PDZRN3: variants seen among roughly 807,000 people sequenced by gnomAD.
The protein encoded by PDZRN3 is PDZ domain containing ring finger 3, also known as E3 ubiquitin-protein ligase PDZRN3.
PDZRN3 carries 38 observed loss-of-function variants against 85.7 expected under a neutral mutation model. That is an observed-to-expected ratio of 0.44 (90% CI 0.34 to 0.58). The LOEUF is 0.58. Ranked by LOEUF, PDZRN3 falls within the 20% of genes least tolerant of loss-of-function variation. The probability of loss-of-function intolerance (pLI) is 0.01; values close to 1 mark genes in which losing one functional copy is unlikely to be tolerated. For missense variants in PDZRN3, 1,629 were observed against 1,506.4 expected (o/e 1.08, Z -1.35); for synonymous variants, 759 against 638.0 (o/e 1.19, Z -2.86).
intron 3 of PDZRN3, among the ~76,000 whole-genome samples, chr3:73,444,450 A>G (rs1246540117): frequency 2.6e-5 from 4 of 152,236 alleles, no homozygotes; most frequent in African/African-American, 7.2e-5. Context: ...TTCTAAGAGG[A>G]AAGCAACAAG....
chr3:73,422,470 G>A (rs1327059226), intron 3 of PDZRN3, among the ~76,000 whole-genome samples: 3 of 152,162 alleles, frequency 2.0e-5, no homozygotes, highest in Non-Finnish European at 4.4e-5. Context: ...ACACTCAAAA[G>A]CTATTTATCT....
At chr3:73,591,783 T>C (rs1051345794) in intron 3 of PDZRN3, among the ~76,000 whole-genome samples, 12 of 152,208 alleles carry the variant, frequency 7.9e-5, no homozygotes, top group Admixed American at 5.9e-4. Flanking sequence ...TCGCAAATGA[T>C]AGAACTAGAA....
intron 1 of PDZRN3, among the ~76,000 whole-genome samples, chr3:73,616,468 G>A (rs1702765105): frequency 6.6e-6 from 1 of 152,146 alleles, no homozygotes; most frequent in South Asian, 2.1e-4. Context: ...TTATTCATAA[G>A]CTTTAGCCCT....
intron 3 of PDZRN3, among the ~76,000 whole-genome samples, chr3:73,445,588 A>G (rs532977258): frequency 4.0e-4 from 61 of 152,364 alleles, no homozygotes; most frequent in Non-Finnish European, 6.9e-4. Flanking sequence ...ACAGTACTTC[A>G]GAGAATAAGT....
At chr3:73,409,742 C>G (rs1701928218) in intron 3 of PDZRN3, among the ~76,000 whole-genome samples, 1 of 152,126 alleles carries the variant, frequency 6.6e-6, no homozygotes, top group African/African-American at 2.4e-5. Context: ...TACAGTAGCA[C>G]CTTTCAAAAC....
chr3:73,617,026 G>A (rs556956808), intron 1 of PDZRN3, among the ~76,000 whole-genome samples: 2 of 152,118 alleles, frequency 1.3e-5, no homozygotes, highest in Admixed American at 6.6e-5. Flanking sequence ...CTTCACCCAC[G>A]ATCTGATGGG....
In PDZRN3 at chr3:73,384,112, G is replaced by T; in HGVS notation, c.2454C>A (p.Gly818=). The T allele has an allele frequency of 6.2e-7, 1 of 1,613,980 alleles. No individual in the cohort carries two copies. Among genetic ancestry groups the T allele is most frequent in the African/African-American group, 1.3e-5 (1 of 75,056 alleles). ...TCAGGGACGGGCTATAGGTAGGGGTGCCCACTTCGGGATCTTCCGTGATGG... is the reference window on the plus strand; with the variant it reads ...TCAGGGACGGGCTATAGGTAGGGGTTCCCACTTCGGGATCTTCCGTGATGG... ...LLSITEDPEV[G]TPTYSPSLKE... The change falls in exon 10 of 10, where the codon GGC becomes GGA. Residue 818 remains glycine, a synonymous_variant. Transcript: ENST00000263666.
chr3:73,440,403 A>G (rs9812432), intron 3 of PDZRN3, among the ~76,000 whole-genome samples: 19,750 of 152,128 alleles, frequency 0.13, 4,022 homozygotes, highest in African/African-American at 0.44. Flanking sequence ...ACAGGAACTG[A>G]GAATGGGGAG....
chr3:73,415,029 T>C (rs1441371507), intron 3 of PDZRN3, among the ~76,000 whole-genome samples: 3 of 152,186 alleles, frequency 2.0e-5, no homozygotes, highest in South Asian at 2.1e-4. Context: ...TGTTTATTGG[T>C]CAAATAATGA....
chr3:73,487,559 C>G (rs1703687177), intron 3 of PDZRN3, among the ~76,000 whole-genome samples: 1 of 152,162 alleles, frequency 6.6e-6, no homozygotes, highest in Non-Finnish European at 1.5e-5. Flanking sequence ...CTGGGACTGT[C>G]CAGGCCGTTT....
At chr3:73,480,420 G>A (rs1207790193) in intron 3 of PDZRN3, among the ~76,000 whole-genome samples, 2 of 152,148 alleles carry the variant, frequency 1.3e-5, no homozygotes, top group African/African-American at 2.4e-5. Flanking sequence ...CAGACCTTTG[G>A]TTTTCTGCAC....
At chr3:73,384,951 A>T in intron 9 of PDZRN3, 21 bp from the exon 10 acceptor site, 1 of 1,571,068 alleles carries the variant, frequency 6.4e-7, no homozygotes, top group Non-Finnish European at 8.6e-7. Context: ...ACAAGAACAA[A>T]GGGTCACAGT....
chr3:73,391,122 C>CAAAG lies in PDZRN3; in HGVS notation c.1255-10_1255-7dup. 6.3e-7 allele frequency: 1 copy of CAAAG among 1,582,542 alleles called. No homozygotes were observed. The highest frequency in any genetic ancestry group is 8.7e-7 in the Non-Finnish European group (1 of 1,151,918). On this transcript the variant is annotated splice_region_variant and splice_polypyrimidine_tract_variant and intron_variant, in intron 5 of 9. Transcript: ENST00000263666. ...ATTCTGTAGAGGTCCACTTCCTAGA[C>CAAAG]AAAGAAAGGCATTCCCAGTGAGACT...
At chr3:73,619,561 T>G (rs1260446563) in intron 1 of PDZRN3, among the ~76,000 whole-genome samples, 3 of 152,072 alleles carry the variant, frequency 2.0e-5, no homozygotes, top group Admixed American at 6.5e-5. Flanking sequence ...AAGTGGAAAT[T>G]TTGCAGGTTA....
intron 3 of PDZRN3, among the ~76,000 whole-genome samples, chr3:73,583,514 T>G (rs1702230636): frequency 6.6e-6 from 1 of 152,106 alleles, no homozygotes; most frequent in South Asian, 2.1e-4. Flanking sequence ...ACTAGCCCAC[T>G]GTGATATTCT....
intron 3 of PDZRN3, among the ~76,000 whole-genome samples, chr3:73,583,871 G>C (rs546751964): frequency 2.6e-5 from 4 of 152,170 alleles, no homozygotes; most frequent in African/African-American, 9.6e-5. Context: ...AGCAAAAATG[G>C]CTTATTTCCA....
chr3:73,433,820 G>A (rs937015598), intron 3 of PDZRN3: 10 of 1,473,832 alleles, frequency 6.8e-6, no homozygotes, highest in East Asian at 5.0e-5. Context: ...TGAGTCAAGC[G>A]ACTGCAACGC....
intron 3 of PDZRN3, among the ~76,000 whole-genome samples, chr3:73,424,387 A>AAG (rs1702266047): frequency 6.7e-6 from 1 of 149,360 alleles, no homozygotes; most frequent in Non-Finnish European, 1.5e-5. Flanking sequence ...AAAAAAAAAA[A>AAG]AAAAATAGCT....
intron 3 of PDZRN3, among the ~76,000 whole-genome samples, chr3:73,446,012 C>G (rs1385958012): frequency 6.6e-6 from 1 of 152,216 alleles, no homozygotes; most frequent in South Asian, 2.1e-4. Flanking sequence ...GATGCCTTGA[C>G]CCCAACATCT....
Sources: allele counts gnomAD v4.1 joint callset (sites outside exome capture counted in the v4.1 genomes callset), GRCh38; gene constraint gnomAD v4.1.1; transcripts MANE v1.5; gene names NCBI Gene and HGNC (gene_info 2026-07-23, HGNC 2026-07-21).